OSBPL6: variants seen among roughly 807,000 people sequenced by gnomAD.
OSBPL6 encodes oxysterol binding protein like 6.
In OSBPL6, 49 loss-of-function variants were observed where a neutral mutation model predicts 125.8. The observed-to-expected ratio is 0.39, with a 90% CI of 0.31 to 0.49. The LOEUF is 0.49. Among genes scored for constraint, OSBPL6 ranks in the 20% least tolerant of loss-of-function variants. The pLI is 0.88. For synonymous variants in OSBPL6, 394 were observed against 391.8 expected, an observed-to-expected ratio of 1.01 and a Z score of -0.07; for missense variants, 986 against 1,135.4, an observed-to-expected ratio of 0.87 and a Z score of 1.89.
At chr2:178,349,875 G>A (rs1691081764) in intron 12 of OSBPL6, among the ~76,000 whole-genome samples, 1 of 152,218 alleles carries the variant, frequency 6.6e-6, no homozygotes, top group Admixed American at 6.5e-5. Flanking sequence ...GCTGCAGGCT[G>A]AGCTGGGCTG....
rs534405406 is a variant in OSBPL6, at chr2:178,316,586, G to C, written c.103-7591G>C. Among the ~76,000 whole-genome samples, 83 of 152,232 alleles carry C rather than the reference G, an allele frequency of 5.5e-4. 1 individual carries two copies. Among genetic ancestry groups the C allele is most frequent in the African/African-American group, 1.9e-3 (79 of 41,544 alleles). On this transcript the variant is annotated intron_variant, in intron 3 of 24. Coordinates refer to ENST00000190611, the MANE Select transcript of OSBPL6 (RefSeq NM_032523.4). ...ACCAGCCATTGTTGAGCCATATGAA[G>C]AGTTACATACATAACATGGTTTATG...
At chr2:178,280,569 C>T (rs182682130) in intron 1 of OSBPL6, among the ~76,000 whole-genome samples, 1 of 152,170 alleles carries the variant, frequency 6.6e-6, no homozygotes, top group Non-Finnish European at 1.5e-5. Context: ...AAGCCAAAAC[C>T]TCTGTTCTTT....
At chr2:178,217,586 G>C (rs1360002674) in intron 1 of OSBPL6, among the ~76,000 whole-genome samples, 31 of 152,190 alleles carry the variant, frequency 2.0e-4, no homozygotes, top group Admixed American at 1.9e-3. Context: ...ACCAGCAGGT[G>C]GTGAATGTGC....
chr2:178,325,678 C>T (rs1199715528), intron 4 of OSBPL6, among the ~76,000 whole-genome samples: 1 of 152,178 alleles, frequency 6.6e-6, no homozygotes, highest in Non-Finnish European at 1.5e-5. Flanking sequence ...TGGATTAGAA[C>T]ATGTATTATC....
At chr2:178,382,908 A>C in intron 16 of OSBPL6, 116 bp from the exon 17 acceptor site, 1 of 1,472,092 alleles carries the variant, frequency 6.8e-7, no homozygotes. Context: ...TTGAAAAGAT[A>C]TAATGAAGAC....
intron 12 of OSBPL6, among the ~76,000 whole-genome samples, chr2:178,358,016 T>C (rs991431046): frequency 1.3e-5 from 2 of 152,104 alleles, no homozygotes; most frequent in African/African-American, 4.8e-5. Context: ...TTCTCACTCA[T>C]AGGTGGGAAT....
intron 1 of OSBPL6, among the ~76,000 whole-genome samples, chr2:178,203,555 G>C (rs1366725559): frequency 6.6e-6 from 1 of 152,136 alleles, no homozygotes; most frequent in Non-Finnish European, 1.5e-5. Context: ...CTTTGTGACA[G>C]CTCTGGGTCA....
chr2:178,235,290 G>GT (rs937363033), intron 1 of OSBPL6, among the ~76,000 whole-genome samples: 3 of 146,984 alleles, frequency 2.0e-5, no homozygotes, highest in South Asian at 2.2e-4. Flanking sequence ...GGGGTTAATG[G>GT]TTTTTTTGTG....
At chr2:178,237,082 A>G (rs949084342) in intron 1 of OSBPL6, among the ~76,000 whole-genome samples, 5 of 152,146 alleles carry the variant, frequency 3.3e-5, no homozygotes, top group African/African-American at 9.7e-5. Context: ...TCTGGGGATA[A>G]ATAACTTTTT....
chr2:178,249,827 GTT>G lies in OSBPL6; in HGVS notation c.-350-35083_-350-35082del, dbSNP rs34986231. Among the ~76,000 whole-genome samples the G allele has an allele frequency of 5.2e-3, 619 of 119,470 alleles. 1 individual carries two copies. The highest frequency in any genetic ancestry group is 0.024 in the Middle Eastern group (5 of 210). 78.4% of individuals were successfully genotyped at this position (119,470 alleles called of 152,430 possible). On this transcript the variant is annotated intron_variant, in intron 1 of 24. Coordinates refer to ENST00000190611, the MANE Select transcript of OSBPL6 (RefSeq NM_032523.4). Reference sequence around the variant, plus strand: ...TATTATAAAATCCCTAACTAGAAGTGTTTTTTTTTTTTTTTTTTGGAATCTTA... The same window carrying G: ...TATTATAAAATCCCTAACTAGAAGTGTTTTTTTTTTTTTTTTGGAATCTTA...
At chr2:178,383,365 C>T in intron 17 of OSBPL6, 88 bp downstream of exon 17, 3 of 1,481,774 alleles carry the variant, frequency 2.0e-6, no homozygotes, top group Non-Finnish European at 8.9e-7. Flanking sequence ...ATATATTTGG[C>T]ATTTGCATAA....
intron 1 of OSBPL6, among the ~76,000 whole-genome samples, chr2:178,264,382 G>A (rs1335700678): frequency 6.6e-6 from 1 of 152,128 alleles, no homozygotes; most frequent in Non-Finnish European, 1.5e-5. Context: ...AGGCACTGCA[G>A]CACCTTGCAT....
intron 1 of OSBPL6, among the ~76,000 whole-genome samples, chr2:178,265,141 C>A: frequency 6.9e-6 from 1 of 145,344 alleles, no homozygotes; most frequent in Non-Finnish European, 1.5e-5. Flanking sequence ...CTTGGCCTCC[C>A]AAAGTGCTAG....
chr2:178,222,606 CA>C (rs1274713016), intron 1 of OSBPL6, among the ~76,000 whole-genome samples: 3 of 152,104 alleles, frequency 2.0e-5, no homozygotes, highest in Admixed American at 1.3e-4. Context: ...TCTATCTCGC[CA>C]TTGCACTCCA....
At chr2:178,384,402 C>G (rs1226717879) in intron 18 of OSBPL6, among the ~76,000 whole-genome samples, 1 of 152,204 alleles carries the variant, frequency 6.6e-6, no homozygotes, top group Non-Finnish European at 1.5e-5. Context: ...CCAAGGTGTT[C>G]TGGACACAGG....
Position 178,349,338 on chromosome 2 carries a change from TCAACAGATTATACAA to T in OSBPL6, c.1103_1117del (p.Ser368_Lys373delinsTer). The T allele has an allele frequency of 1.2e-6, 2 of 1,614,208 alleles. No homozygotes were observed. Among genetic ancestry groups the T allele is most frequent in the Non-Finnish European group, 1.7e-6 (2 of 1,180,038 alleles). On this transcript the variant is annotated stop_gained and inframe_deletion, in exon 12 of 25. Coordinates refer to ENST00000190611, the MANE Select transcript of OSBPL6 (RefSeq NM_032523.4). LOFTEE classifies it high-confidence loss of function. ...CCACCTCACTGACCCTCTGGAAAGTTCAACAGATTATACAAAGCTGCAAGAAGAATTTTGTCTAAT... is the reference window on the plus strand; with the variant it reads ...CCACCTCACTGACCCTCTGGAAAGTTAGCTGCAAGAAGAATTTTGTCTAAT...
At chr2:178,201,037 G>A (rs1002498332) in intron 1 of OSBPL6, among the ~76,000 whole-genome samples, 1 of 151,880 alleles carries the variant, frequency 6.6e-6, no homozygotes, top group African/African-American at 2.4e-5. Flanking sequence ...CTTGTGATCT[G>A]CCCACCTCAG....
intron 18 of OSBPL6, among the ~76,000 whole-genome samples, chr2:178,384,986 C>T (rs1157452917): frequency 6.6e-6 from 1 of 151,914 alleles, no homozygotes; most frequent in Non-Finnish European, 1.5e-5. Context: ...AACACAAGAA[C>T]AGAAAACCAA....
intron 1 of OSBPL6, among the ~76,000 whole-genome samples, chr2:178,195,861 A>T (rs546999670): frequency 4.1e-4 from 63 of 152,242 alleles, no homozygotes; most frequent in Admixed American, 9.2e-4. Context: ...TAAAAATTGC[A>T]TACTAATGGT....
Sources: allele counts gnomAD v4.1 joint callset (sites outside exome capture counted in the v4.1 genomes callset), GRCh38; gene constraint gnomAD v4.1.1; transcripts MANE v1.5; gene names NCBI Gene and HGNC (gene_info 2026-07-23, HGNC 2026-07-21).